RAB11FIP4: variants seen among roughly 807,000 people sequenced by gnomAD.
The protein encoded by RAB11FIP4 is rab11 family-interacting protein 4.
A neutral mutation model predicts 74.3 loss-of-function variants in RAB11FIP4; 23 were observed. That is an observed-to-expected ratio of 0.31 (90% confidence interval 0.22 to 0.44). The LOEUF (loss-of-function observed/expected upper bound fraction) is 0.44, where lower values mean the gene tolerates loss of function less well. Ranked by LOEUF, RAB11FIP4 falls within the 20% of genes least tolerant of loss-of-function variation. The pLI is 1.00. For missense variants in RAB11FIP4, 630 were observed against 863.9 expected (o/e 0.73, Z 3.39); for synonymous variants, 360 against 359.9 (o/e 1.00, Z 0.00).
chr17:31,445,629 A>C (rs1267704161), intron 3 of RAB11FIP4, among the ~76,000 whole-genome samples: 3 of 128,120 alleles, frequency 2.3e-5, no homozygotes, highest in African/African-American at 8.9e-5. Flanking sequence ...TCTGTCACCC[A>C]GGCTGGAGTG....
intron 1 of RAB11FIP4, among the ~76,000 whole-genome samples, chr17:31,396,764 C>T (rs2070935779): frequency 6.6e-6 from 1 of 152,184 alleles, no homozygotes; most frequent in South Asian, 2.1e-4. Context: ...ACATGGTCCT[C>T]TTCCCTTTCC....
At chr17:31,418,359 G>T (rs180799557) in intron 1 of RAB11FIP4, among the ~76,000 whole-genome samples, 1 of 152,208 alleles carries the variant, frequency 6.6e-6, no homozygotes. Context: ...TTGCATTCCA[G>T]CCTGGGAGAC....
At chr17:31,477,933 C>A (rs1335632769) in intron 3 of RAB11FIP4, among the ~76,000 whole-genome samples, 1 of 151,506 alleles carries the variant, frequency 6.6e-6, no homozygotes, top group Non-Finnish European at 1.5e-5. Context: ...GAGCTCATAT[C>A]ATGTGAAGCA....
chr17:31,477,996 CT>C (rs35308777), intron 3 of RAB11FIP4, among the ~76,000 whole-genome samples: 1,956 of 132,540 alleles, frequency 0.015, 22 homozygotes, highest in African/African-American at 0.046. Context: ...GCTGTTAATA[CT>C]TTTTTTTTTT....
intron 3 of RAB11FIP4, among the ~76,000 whole-genome samples, chr17:31,483,100 G>A (rs971070801): frequency 2.7e-5 from 4 of 150,344 alleles, no homozygotes; most frequent in African/African-American, 9.8e-5. Flanking sequence ...GGCTGAGGCA[G>A]GAGAATCGCT....
intron 3 of RAB11FIP4, among the ~76,000 whole-genome samples, chr17:31,515,832 C>T (rs901179465): frequency 2.6e-5 from 4 of 152,178 alleles, no homozygotes; most frequent in African/African-American, 4.8e-5. Context: ...AGCTGCCCCT[C>T]GGTCTAGGGC....
chr17:31,496,765 C>T (rs1320183055), intron 3 of RAB11FIP4, among the ~76,000 whole-genome samples: 3 of 152,226 alleles, frequency 2.0e-5, no homozygotes, highest in Non-Finnish European at 4.4e-5. Flanking sequence ...AGTCCAAGTT[C>T]TGGTACCATC....
chr17:31,393,891 GC>G (rs934331375), intron 1 of RAB11FIP4, among the ~76,000 whole-genome samples: 1 of 151,858 alleles, frequency 6.6e-6, no homozygotes, highest in African/African-American at 2.4e-5. Flanking sequence ...CAAGCAGACC[GC>G]CCCCCGCCGC....
At chr17:31,468,157 A>G (rs1431567283) in intron 3 of RAB11FIP4, among the ~76,000 whole-genome samples, 1 of 152,186 alleles carries the variant, frequency 6.6e-6, no homozygotes, top group East Asian at 1.9e-4. Flanking sequence ...CAGGATTCTG[A>G]TGCCAAGTAG....
intron 1 of RAB11FIP4, among the ~76,000 whole-genome samples, chr17:31,419,467 A>G (rs367854281): frequency 6.6e-6 from 1 of 151,264 alleles, no homozygotes; most frequent in African/African-American, 2.4e-5. Context: ...TTTCATATAT[A>G]TCTCCTGGAT....
At chr17:31,461,674 G>A (rs891197006) in intron 3 of RAB11FIP4, among the ~76,000 whole-genome samples, 9 of 151,596 alleles carry the variant, frequency 5.9e-5, no homozygotes, top group African/African-American at 2.2e-4. Flanking sequence ...CACCTGCCTC[G>A]GCCTCCCAAA....
At chr17:31,492,412 G>A (rs8072034) in intron 3 of RAB11FIP4, among the ~76,000 whole-genome samples, 3 of 152,134 alleles carry the variant, frequency 2.0e-5, no homozygotes, top group Non-Finnish European at 2.9e-5. Flanking sequence ...CCTGCTATGG[G>A]GTGGCTGAAG....
At chr17:31,500,896 G>A (rs559547083) in intron 3 of RAB11FIP4, among the ~76,000 whole-genome samples, 10 of 152,172 alleles carry the variant, frequency 6.6e-5, no homozygotes, top group African/African-American at 9.6e-5. Context: ...GATGGCACGC[G>A]CCTGTAGTCC....
At chr17:31,430,352 A>ATTTT (rs56078412) in intron 1 of RAB11FIP4, among the ~76,000 whole-genome samples, 6 of 111,756 alleles carry the variant, frequency 5.4e-5, no homozygotes, top group East Asian at 2.7e-4. Flanking sequence ...TGGAGTTTGG[A>ATTTT]TTTTTTTTTT....
At chr17:31,464,335 T>C (rs1483115833) in intron 3 of RAB11FIP4, among the ~76,000 whole-genome samples, 3 of 152,040 alleles carry the variant, frequency 2.0e-5, no homozygotes, top group Non-Finnish European at 4.4e-5. Context: ...ACTGTCATGG[T>C]TATTTTATTT....
chr17:31,531,499 G>A, intron 14 of RAB11FIP4, 117 bp from the exon 15 acceptor site: 2 of 712,726 alleles, frequency 2.8e-6, no homozygotes. Flanking sequence ...ACCTTGCCCA[G>A]GATCTCCTGA....
Position 31,531,866 on chromosome 17 carries a change from C to T in RAB11FIP4, c.*134C>T, listed in dbSNP as rs538387071. On this transcript the variant is annotated 3_prime_UTR_variant, in exon 15 of 15. Coordinates refer to ENST00000621161, the MANE Select transcript of RAB11FIP4 (RefSeq NM_032932.6). ...CTGGCCACCATGCGTTACGTGTACCCGTGTATATGTGGGGAGGCTGTGCAC... is the reference window on the plus strand; with the variant it reads ...CTGGCCACCATGCGTTACGTGTACCTGTGTATATGTGGGGAGGCTGTGCAC... 3.8e-5 allele frequency: 26 copies of T among 677,120 alleles called. No homozygotes were observed. The highest frequency in any genetic ancestry group is 6.0e-5 in the Non-Finnish European group (23 of 381,040). The allele number at this position is 677,120 out of a possible 1,614,324, so 41.9% of individuals were successfully genotyped here. A position where few individuals can be genotyped will look rare whatever the true frequency, so the allele number is the denominator to read the frequency against.
rs544278026 is a variant in RAB11FIP4 at position 31,531,897 on chromosome 17, C to T, written c.*165C>T. The T allele has an allele frequency of 4.3e-5, 26 of 611,550 alleles. No homozygotes were observed. The highest frequency in any genetic ancestry group is 6.4e-5 in the Non-Finnish European group (22 of 344,162). 37.9% of individuals were successfully genotyped at this position (611,550 alleles called of 1,614,324 possible). The stretch of plus-strand genomic sequence containing the variant: ...TATGTGGGGAGGCTGTGCACACGAG[C>T]GAGGGGTGAGTGGCCGTGGCTGTGG... On this transcript the variant is annotated 3_prime_UTR_variant, in exon 15 of 15. Coordinates refer to ENST00000621161, the MANE Select transcript of RAB11FIP4 (RefSeq NM_032932.6).
chr17:31,495,638 A>G (rs1597954958), intron 3 of RAB11FIP4, among the ~76,000 whole-genome samples: 1 of 152,202 alleles, frequency 6.6e-6, no homozygotes, highest in East Asian at 1.9e-4. Context: ...CTGGAATTAC[A>G]GGCATGAGCC....
Sources: allele counts gnomAD v4.1 joint callset (sites outside exome capture counted in the v4.1 genomes callset), GRCh38; gene constraint gnomAD v4.1.1; transcripts MANE v1.5; gene names NCBI Gene and HGNC (gene_info 2026-07-23, HGNC 2026-07-21).